The following EBF3 variants were observed in gnomAD, a reference collection of about 807,000 sequenced individuals.
EBF3 encodes the protein EBF transcription factor 3.
In EBF3, 18 loss-of-function variants were observed where a neutral mutation model predicts 77.1. That is an observed-to-expected ratio of 0.23 (90% confidence interval 0.16 to 0.35). EBF3 has a LOEUF of 0.35. EBF3 is among the 10% of genes least tolerant of loss of function. The pLI is 1.00. For synonymous variants in EBF3, 350 were observed against 343.5 expected, an observed-to-expected ratio of 1.02 and a Z score of -0.21; for missense variants, 558 against 860.0, an observed-to-expected ratio of 0.65 and a Z score of 4.39.
chr10:129,930,195 A>G (rs908800666), intron 6 of EBF3, among the ~76,000 whole-genome samples: 1 of 152,320 alleles, frequency 6.6e-6, no homozygotes, highest in Non-Finnish European at 1.5e-5. Flanking sequence ...TACAGTTCTG[A>G]GGCCTTCAGA....
chr10:129,936,802 C>G (rs1212460583), intron 6 of EBF3, among the ~76,000 whole-genome samples: 1 of 151,998 alleles, frequency 6.6e-6, no homozygotes, highest in African/African-American at 2.4e-5. Flanking sequence ...GTGTGGGGAC[C>G]CAGGGGACTG....
At chr10:129,914,344 G>A (rs1341038305) in intron 6 of EBF3, among the ~76,000 whole-genome samples, 1 of 152,156 alleles carries the variant, frequency 6.6e-6, no homozygotes, top group African/African-American at 2.4e-5. Flanking sequence ...CCTTGGGAGA[G>A]GGAGACTCCC....
intron 10 of EBF3, among the ~76,000 whole-genome samples, chr10:129,855,487 C>T (rs746983510): frequency 1.1e-4 from 17 of 152,312 alleles, no homozygotes; most frequent in South Asian, 4.1e-4. Context: ...CCCTGCAGCT[C>T]GGAAAACTAA....
intron 6 of EBF3, among the ~76,000 whole-genome samples, chr10:129,922,065 C>T (rs1486087952): frequency 6.6e-6 from 1 of 152,216 alleles, no homozygotes; most frequent in South Asian, 2.1e-4. Flanking sequence ...AGCCAAAGCT[C>T]CCTGAATCCA....
chr10:129,845,969 T>TTGA (rs1319131904), intron 11 of EBF3: 12 of 147,822 alleles, frequency 8.1e-5, no homozygotes, highest in African/African-American at 2.0e-4. Context: ...TGTCTTAGCC[T>TTGA]TGATTATATT....
At chr10:129,898,882 G>A (rs1365483868) in intron 6 of EBF3, among the ~76,000 whole-genome samples, 2 of 152,224 alleles carry the variant, frequency 1.3e-5, no homozygotes, top group Non-Finnish European at 2.9e-5. Context: ...CCCGGCCCGC[G>A]GCCGGCGTCC....
chr10:129,892,411 G>A (rs913621685), intron 6 of EBF3, among the ~76,000 whole-genome samples: 8 of 152,214 alleles, frequency 5.3e-5, no homozygotes, highest in Non-Finnish European at 1.0e-4. Context: ...CAAGTGCAAT[G>A]AGCTGTTTGG....
rs1490039338 is a variant in EBF3, at chr10:129,841,835, T to G, written c.1372+281A>C. Among the ~76,000 whole-genome samples the G allele has an allele frequency of 2.0e-5, 3 of 152,186 alleles. No homozygotes were observed. The highest frequency in any genetic ancestry group is 7.2e-5 in the African/African-American group (3 of 41,450). On this transcript the variant is annotated intron_variant, in intron 13 of 16. Transcript: ENST00000440978. The surrounding 1 kb of genome is among the most constrained non-coding windows in gnomAD (Gnocchi z 4.6). ...CTTCCAAGGAAAGCAAAGTCTCTTA[T>G]GAACACATTGAGGGAAACTTCTAGC...
chr10:129,900,181 C>A (rs1435578311), intron 6 of EBF3, among the ~76,000 whole-genome samples: 1 of 152,192 alleles, frequency 6.6e-6, no homozygotes, highest in South Asian at 2.1e-4. Context: ...TTGAAAGAGT[C>A]ATCATAAAGT....
chr10:129,888,117 A>C (rs9971199), intron 6 of EBF3, among the ~76,000 whole-genome samples: 56,708 of 152,104 alleles, frequency 0.37, 11,899 homozygotes, highest in African/African-American at 0.58. Flanking sequence ...TCCTCGATGG[A>C]ACGTGGGCGT....
At position 129,835,723 on chromosome 10, in the gene EBF3, C is replaced by T. The variant is rs1849575000; in HGVS notation, c.*2220G>A. On this transcript the variant is annotated 3_prime_UTR_variant, in exon 17 of 17. Transcript: ENST00000440978. Reference sequence around the variant, plus strand: ...TAGAATGAACACTTTGTAAGTTGTGCATTGTTGATTTTTGTCAAGAAGGTA... The same window carrying T: ...TAGAATGAACACTTTGTAAGTTGTGTATTGTTGATTTTTGTCAAGAAGGTA... 1 of 152,078 alleles carries T rather than the reference C, an allele frequency of 6.6e-6. No individual in the cohort carries two copies. The highest frequency in any genetic ancestry group is 2.1e-4 in the South Asian group (1 of 4,820). The allele number at this position is 152,078 out of a possible 1,614,324, so 9.4% of individuals were successfully genotyped here.
At chr10:129,838,594 C>CTT (rs1410766206) in intron 16 of EBF3, among the ~76,000 whole-genome samples, 1 of 152,196 alleles carries the variant, frequency 6.6e-6, no homozygotes, top group Non-Finnish European at 1.5e-5. Flanking sequence ...GCCTCGGGAC[C>CTT]TTTTTTCTCT....
rs1225158216 is a variant in EBF3, at chr10:129,840,990, T to C, written c.1415A>G (p.Tyr472Cys). The change falls in exon 14 of 17, where the codon TAC becomes TGC. Residue 472 changes from tyrosine to cysteine, a missense_variant. Around this residue, in one of 5 missense-constraint regions of EBF3, gnomAD observed 284 missense variants for 368.3 expected, o/e 0.77. Coordinates refer to ENST00000440978, the MANE Select transcript of EBF3 (RefSeq NM_001375380.1). Reference sequence around the variant, plus strand: ...CTGCTGGGGAGTACTGCTGGGGACGTAGCCTCGCGGGGACACGCTGCTTGT... The same window carrying C: ...CTGCTGGGGAGTACTGCTGGGGACGCAGCCTCGCGGGGACACGCTGCTTGT... ...RNTSSVSPRG[Y>C]VPSSTPQQSN... is the part of the protein sequence containing the mutation. 1.2e-6 allele frequency: 2 copies of C among 1,610,718 alleles called. No homozygotes were observed. Among genetic ancestry groups the C allele is most frequent in the Admixed American group, 1.7e-5 (1 of 59,488 alleles).
intron 6 of EBF3, among the ~76,000 whole-genome samples, chr10:129,954,606 G>C (rs951658980): frequency 6.6e-6 from 1 of 152,150 alleles, no homozygotes; most frequent in Admixed American, 6.5e-5. Context: ...TCAACGTGCC[G>C]GGAGAGGCTC....
At position 129,848,407 on chromosome 10, in the gene EBF3, G is replaced by C. The variant is rs773891513; in HGVS notation, c.1113C>G (p.Pro371=). The C allele has an allele frequency of 3.7e-6, 6 of 1,613,992 alleles. No homozygotes were observed. The African/African-American group carries it at 4.0e-5, about 11-fold the overall frequency. Residue 371 remains proline (P), a synonymous_variant, in exon 11 of 17, where the codon CCC becomes CCG. Transcript: ENST00000440978. The surrounding 1 kb of genome is among the most constrained non-coding windows in gnomAD (Gnocchi z 4.4). ...QKVIPRHPGD[P]ERLPKEVLLK... ...TTTTACTAACCTTGGGTAACCTTTC[G>C]GGATCACCCGGATGTCTTGGGATCA...
chr10:129,893,848 T>C (rs554865410), intron 6 of EBF3, among the ~76,000 whole-genome samples: 88 of 152,332 alleles, frequency 5.8e-4, no homozygotes, highest in African/African-American at 2.0e-3. Context: ...AGCGCCTCTG[T>C]TACAGGAAGC....
At chr10:129,871,646 C>A (rs1046259907) in intron 8 of EBF3, among the ~76,000 whole-genome samples, 5 of 152,168 alleles carry the variant, frequency 3.3e-5, no homozygotes, top group Non-Finnish European at 7.3e-5. Flanking sequence ...AAAGGAACTT[C>A]CTAAGTGTCA....
chr10:129,876,855 G>A (rs1852803408), intron 7 of EBF3, among the ~76,000 whole-genome samples: 1 of 146,432 alleles, frequency 6.8e-6, no homozygotes, highest in Non-Finnish European at 1.5e-5. Flanking sequence ...TATCATAATG[G>A]TACATAAATC....
intron 6 of EBF3, among the ~76,000 whole-genome samples, chr10:129,941,135 A>G (rs1249223628): frequency 6.6e-6 from 1 of 152,206 alleles, no homozygotes; most frequent in Non-Finnish European, 1.5e-5. Flanking sequence ...AGGAAAGTAA[A>G]ACATCCTACC....
Sources: allele counts gnomAD v4.1 joint callset (sites outside exome capture counted in the v4.1 genomes callset), GRCh38; gene constraint gnomAD v4.1.1; regional missense constraint gnomAD v4.1.1; non-coding constraint Gnocchi (gnomAD v3.1); transcripts MANE v1.5; gene names NCBI Gene and HGNC (gene_info 2026-07-23, HGNC 2026-07-21).